PDE2A: variants seen among roughly 807,000 people sequenced by gnomAD.
PDE2A encodes phosphodiesterase 2A.
In PDE2A, 53 loss-of-function variants were observed where a neutral mutation model predicts 133.6. The ratio of observed to expected loss-of-function variants is 0.40; its 90% CI spans 0.32 to 0.50. The LOEUF is 0.50. PDE2A is among the 20% of genes least tolerant of loss of function. The pLI is 0.73. For missense variants in PDE2A, 796 were observed against 1,232.4 expected (o/e 0.65, Z 5.30); for synonymous variants, 491 against 490.2 (o/e 1.00, Z -0.02).
intron 2 of PDE2A, among the ~76,000 whole-genome samples, chr11:72,615,568 C>A (rs1414851049): frequency 6.6e-6 from 1 of 152,130 alleles, no homozygotes; most frequent in Admixed American, 6.5e-5. Flanking sequence ...TCAGATCAAG[C>A]GGGGCAGAGC....
At chr11:72,632,816 C>A (rs79317752) in intron 2 of PDE2A, among the ~76,000 whole-genome samples, 8,253 of 151,800 alleles carry the variant, frequency 0.054, 745 homozygotes, top group African/African-American at 0.19. Flanking sequence ...TCCCTCCCCC[C>A]AGCAGAGGCA....
intron 2 of PDE2A, among the ~76,000 whole-genome samples, chr11:72,627,194 C>G (rs1275099141): frequency 6.6e-6 from 1 of 152,238 alleles, no homozygotes; most frequent in East Asian, 1.9e-4. Context: ...ATATACCAGG[C>G]CTATACCAAG....
At chr11:72,599,192 G>A (rs1272797901) in intron 4 of PDE2A, among the ~76,000 whole-genome samples, 1 of 152,116 alleles carries the variant, frequency 6.6e-6, no homozygotes. Context: ...CCCCTGGACT[G>A]GAGCTGCTTG....
rs114167621 is a variant in PDE2A at position 72,587,606 on chromosome 11, T to C, written c.1070+1178A>G. On this transcript the variant is annotated intron_variant, in intron 13 of 30. Coordinates refer to ENST00000334456, the MANE Select transcript of PDE2A (RefSeq NM_002599.5). ...GCCCCTGCTGGACCCCCATTCACTC[T>C]ACCTTCCCTTCCCCAAAGGCCTTCC... is the stretch of plus-strand genomic sequence containing the variant. Among the ~76,000 whole-genome samples, 753 of 152,310 alleles carry C rather than the reference T, an allele frequency of 4.9e-3. 3 individuals carry two copies. The highest frequency in any genetic ancestry group is 0.017 in the African/African-American group (721 of 41,564).
At chr11:72,580,416 G>A (rs1295268290) in intron 25 of PDE2A, among the ~76,000 whole-genome samples, 161 bp downstream of exon 25, 1 of 152,130 alleles carries the variant, frequency 6.6e-6, no homozygotes, top group East Asian at 1.9e-4. Context: ...ACCCTTCCAA[G>A]CCCACTCCAG....
At chr11:72,589,450 T>G (rs1856132244) in intron 11 of PDE2A, among the ~76,000 whole-genome samples, 1 of 152,190 alleles carries the variant, frequency 6.6e-6, no homozygotes, top group South Asian at 2.1e-4. Flanking sequence ...ACGAGAGAGA[T>G]AAGCAGACTC....
At chr11:72,661,409 GT>G (rs973167077) in intron 1 of PDE2A, among the ~76,000 whole-genome samples, 4 of 152,130 alleles carry the variant, frequency 2.6e-5, no homozygotes, top group African/African-American at 9.7e-5. Context: ...CCTCTGTCCA[GT>G]TTTTTGGGGG....
intron 1 of PDE2A, among the ~76,000 whole-genome samples, chr11:72,661,587 G>A (rs73529624): frequency 6.6e-6 from 1 of 152,168 alleles, no homozygotes; most frequent in South Asian, 2.1e-4. Flanking sequence ...CCCCTATCAA[G>A]GAGGCAGAAG....
At chr11:72,654,156 G>C (rs968220183) in intron 1 of PDE2A, among the ~76,000 whole-genome samples, 7 of 152,090 alleles carry the variant, frequency 4.6e-5, no homozygotes, top group Non-Finnish European at 8.8e-5. Flanking sequence ...AGCAGGCCCT[G>C]TGTCGGGGCC....
intron 2 of PDE2A, among the ~76,000 whole-genome samples, chr11:72,634,370 AG>A (rs1858576820): frequency 6.6e-6 from 1 of 152,116 alleles, no homozygotes; most frequent in African/African-American, 2.4e-5. Context: ...CCCTAACCTG[AG>A]CCCCACCTCC....
Position 72,576,940 on chromosome 11 carries a change from G to T in PDE2A, c.*444C>A. 5.4e-6 allele frequency: 1 copy of T among 185,752 alleles called. No individual in the cohort carries two copies. 11.5% of individuals were successfully genotyped at this position (185,752 alleles called of 1,614,324 possible). A position where few individuals can be genotyped will look rare whatever the true frequency, so the allele number is the denominator to read the frequency against. ...CAGAACTAAGGACTGTTTCCAAGAT[G>T]CCACACTCTGCTCACTCAGATGTCT... On this transcript the variant is annotated 3_prime_UTR_variant, in exon 31 of 31. Coordinates refer to ENST00000334456, the MANE Select transcript of PDE2A (RefSeq NM_002599.5).
chr11:72,604,382 G>A (rs1173324195), intron 4 of PDE2A, among the ~76,000 whole-genome samples: 1 of 152,202 alleles, frequency 6.6e-6, no homozygotes, highest in Non-Finnish European at 1.5e-5. Context: ...AGATGAGGAG[G>A]CTGAATTAAA....
chr11:72,577,156 A>C lies in PDE2A; in HGVS notation c.*228T>G. ...GAGTAGGGCCCACTGCTCATTGGTCACCCCTGTGCTCTCAGAAAACAAATT... is the reference window on the plus strand; with the variant it reads ...GAGTAGGGCCCACTGCTCATTGGTCCCCCCTGTGCTCTCAGAAAACAAATT... On this transcript the variant is annotated 3_prime_UTR_variant, in exon 31 of 31. Transcript: ENST00000334456. The C allele has an allele frequency of 1.8e-6, 1 of 543,764 alleles. No individual in the cohort carries two copies. The highest frequency in any genetic ancestry group is 2.7e-5 in the South Asian group (1 of 36,918). 33.7% of individuals were successfully genotyped at this position (543,764 alleles called of 1,614,324 possible).
chr11:72,600,443 C>T (rs530446732), intron 4 of PDE2A, among the ~76,000 whole-genome samples: 17 of 152,148 alleles, frequency 1.1e-4, no homozygotes, highest in Non-Finnish European at 1.8e-4. Context: ...TGCCCTCCCC[C>T]GGCTTTGCGG....
In PDE2A at chr11:72,597,545, G is replaced by A. The variant is rs1473973701; in HGVS notation, c.398C>T (p.Ala133Val). The A allele has an allele frequency of 6.2e-7, 1 of 1,610,738 alleles. No homozygotes were observed. The highest frequency in any genetic ancestry group is 8.5e-7 in the Non-Finnish European group (1 of 1,179,630). ...GFSDLPGKPL[A>V]RLVAPLAPDT... The stretch of plus-strand genomic sequence containing the variant: ...AGGAGCCAGTGGAGCCACCAGCCTG[G>A]CCAAGGGCTTCCCTGGCAGGTCTGA... The change falls in exon 5 of 31, where the codon GCC becomes GTC. Residue 133 changes from alanine (A) to valine (V), a missense_variant. By Grantham distance (64) the Ala-to-Val change is moderately conservative. This residue lies in a region of PDE2A where 417 missense variants were observed against 475.3 expected (regional missense o/e 0.88). Transcript: ENST00000334456. The surrounding 1 kb of genome is among the most constrained non-coding windows in gnomAD (Gnocchi z 4.6).
chr11:72,664,816 CTTTG>C lies in PDE2A; in HGVS notation c.71+9317_71+9320del, dbSNP rs984943966. On this transcript the variant is annotated intron_variant, in intron 1 of 30. Transcript: ENST00000334456. ...CCTCACTGAGAGGTTTTGTTTGTTT[CTTTG>C]TTTGAGGCAGAGTTTTGCTCTTGTT... Among the ~76,000 whole-genome samples the C allele has an allele frequency of 2.0e-5, 3 of 151,928 alleles. No homozygotes were observed. In the South Asian group the frequency reaches 6.3e-4, roughly 32 times the overall value.
At chr11:72,655,835 A>G (rs930137557) in intron 1 of PDE2A, among the ~76,000 whole-genome samples, 5 of 152,122 alleles carry the variant, frequency 3.3e-5, no homozygotes, top group African/African-American at 1.2e-4. Flanking sequence ...TTCAGGAGGG[A>G]TTTCTGACAC....
At position 72,589,777 on chromosome 11, in the gene PDE2A, C is replaced by T. The variant is rs1002105752; in HGVS notation, c.847G>A (p.Val283Met). Residue 283 changes from valine to methionine, a missense_variant, in exon 11 of 31, where the codon GTG becomes ATG. This residue lies in a region of PDE2A where 417 missense variants were observed against 475.3 expected (regional missense o/e 0.88). Transcript: ENST00000334456. ...QLSCKVIGDK[V>M]LGEEVSFPLT... ...GGAAAGCTGACCTCTTCCCCGAGCA[C>T]TTTGTCTCCGATGACCTGAGGAACG... is the stretch of plus-strand genomic sequence containing the variant. 6.2e-7 allele frequency: 1 copy of T among 1,613,936 alleles called. No homozygotes were observed. The highest frequency in any genetic ancestry group is 8.5e-7 in the Non-Finnish European group (1 of 1,179,944).
intron 1 of PDE2A, chr11:72,668,482 T>A: frequency 1.4e-6 from 1 of 703,182 alleles, no homozygotes; most frequent in Non-Finnish European, 2.6e-6. Context: ...TCCCTGCTCC[T>A]ACCTGCACCC....
Sources: gnomAD v4.1 joint callset for allele counts (sites outside exome capture counted in the v4.1 genomes callset) on GRCh38, gnomAD v4.1.1 for gene constraint, gnomAD v4.1.1 regional missense constraint, Gnocchi (gnomAD v3.1) non-coding constraint, MANE v1.5 for transcripts, NCBI Gene and HGNC (gene_info 2026-07-23, HGNC 2026-07-21) for gene names.